The following EXOC5 variants were observed in gnomAD, a reference collection of about 807,000 sequenced individuals.
The protein encoded by EXOC5 is exocyst complex component 5, also known as SEC10-like 1.
EXOC5 carries 17 observed loss-of-function variants against 90.8 expected under a neutral mutation model. The ratio of observed to expected loss-of-function variants is 0.19; its 90% CI spans 0.13 to 0.28. The LOEUF is 0.28. Among genes scored for constraint, EXOC5 ranks in the 10% least tolerant of loss-of-function variants. EXOC5 has a pLI of 1.00. For synonymous variants in EXOC5, 260 were observed against 270.0 expected (o/e 0.96, Z 0.36); for missense variants, 569 against 830.6 (o/e 0.69, Z 3.87).
rs1200216593 is a variant in EXOC5, at chr14:57,200,702, G to A, written c.*7907C>T. The A allele has an allele frequency of 6.7e-6, 1 of 149,142 alleles. No homozygotes were observed. The highest frequency in any genetic ancestry group is 2.0e-4 in the East Asian group (1 of 5,076). The allele number at this position is 149,142 out of a possible 1,614,324, so 9.2% of individuals were successfully genotyped here. On this transcript the variant is annotated 3_prime_UTR_variant, in exon 18 of 18. Transcript: ENST00000621441. ...TTTCAAAATGTAAGTTCTGTGTCTTGGGCATAACACTTTACCCCCTCCTCA... is the reference window on the plus strand; with the variant it reads ...TTTCAAAATGTAAGTTCTGTGTCTTAGGCATAACACTTTACCCCCTCCTCA...
chr14:57,219,250 A>AAT, intron 14 of EXOC5, 72 bp downstream of exon 14: 4 of 828,052 alleles, frequency 4.8e-6, no homozygotes, highest in Non-Finnish European at 6.7e-6. Context: ...ATTTAATGAA[A>AAT]ATATATATAG....
chr14:57,222,284 C>T (rs1456093564), intron 13 of EXOC5, 24 bp downstream of exon 13: 6 of 1,130,010 alleles, frequency 5.3e-6, no homozygotes, highest in Non-Finnish European at 7.8e-6. Context: ...GAATTTAACA[C>T]AAGTGTAACA....
At chr14:57,253,821 T>C (rs1223239961) in intron 1 of EXOC5, among the ~76,000 whole-genome samples, 1 of 152,200 alleles carries the variant, frequency 6.6e-6, no homozygotes, top group African/African-American at 2.4e-5. Context: ...AAAAGCATCC[T>C]TACCTAACAC....
rs1437406041 is a variant in EXOC5, at chr14:57,205,847, T to C, written c.*2762A>G. ...TAGTTTTTTAAAACAAGGAAGATCCTAAGGACTTGCAACTATGGCAATCCT... is the reference window on the plus strand; with the variant it reads ...TAGTTTTTTAAAACAAGGAAGATCCCAAGGACTTGCAACTATGGCAATCCT... On this transcript the variant is annotated 3_prime_UTR_variant, in exon 18 of 18. Transcript: ENST00000621441. 8.8e-6 allele frequency: 4 copies of C among 454,666 alleles called. No individual in the cohort carries two copies. The highest frequency in any genetic ancestry group is 4.0e-5 in the African/African-American group (2 of 49,974). 28.2% of individuals were successfully genotyped at this position (454,666 alleles called of 1,614,324 possible).
intron 5 of EXOC5, 190 bp downstream of exon 5, chr14:57,239,405 G>A: frequency 2.3e-6 from 1 of 426,966 alleles, no homozygotes; most frequent in Non-Finnish European, 4.2e-6. Context: ...AGAAGAGACT[G>A]TATTTTTTCA....
At chr14:57,241,904 T>C (rs970826028) in intron 4 of EXOC5, among the ~76,000 whole-genome samples, 13 of 151,652 alleles carry the variant, frequency 8.6e-5, no homozygotes, top group South Asian at 2.1e-4. Flanking sequence ...GAGGCCGAGG[T>C]GGGCGGATCA....
In EXOC5 at chr14:57,245,106, A is replaced by G. The variant is rs371799387; in HGVS notation, c.271-747T>C. On this transcript the variant is annotated intron_variant, in intron 3 of 17. Transcript: ENST00000621441. ...GTTCTTTCCCAGTTTTGAAAACAGA[A>G]AAGTAGCAATTATTCTACTAAGGCA... 6.4e-4 allele frequency among the ~76,000 whole-genome samples: 98 copies of G among 152,326 alleles called. 1 individual carries two copies. Among genetic ancestry groups the G allele is most frequent in the African/African-American group, 2.2e-3 (90 of 41,564 alleles).
intron 1 of EXOC5, among the ~76,000 whole-genome samples, chr14:57,255,826 C>T (rs559334333): frequency 3.1e-4 from 45 of 147,128 alleles, no homozygotes; most frequent in African/African-American, 1.0e-3. Flanking sequence ...AGCAAGACTC[C>T]GTCTCCAAAA....
intron 12 of EXOC5, among the ~76,000 whole-genome samples, chr14:57,229,262 C>T (rs1482528952): frequency 6.6e-6 from 1 of 151,990 alleles, no homozygotes; most frequent in Non-Finnish European, 1.5e-5. Context: ...TCTTTTATTA[C>T]AAAAAATAGT....
Position 57,204,296 on chromosome 14 carries a change from C to CATTT in EXOC5, c.*4309_*4312dup, listed in dbSNP as rs1882585821. Reference sequence around the variant, plus strand: ...AAATGTCAGGTTTCTGTCCCCTATACATTTGAACAGTTGTTTCCTCCCTAA... The same window carrying CATTT: ...AAATGTCAGGTTTCTGTCCCCTATACATTTATTTGAACAGTTGTTTCCTCCCTAA... On this transcript the variant is annotated 3_prime_UTR_variant, in exon 18 of 18. Transcript: ENST00000621441. 1 of 152,112 alleles carries CATTT rather than the reference C, an allele frequency of 6.6e-6. No homozygotes were observed. The allele number at this position is 152,112 out of a possible 1,614,324, so 9.4% of individuals were successfully genotyped here.
At chr14:57,224,095 G>A (rs553982195) in intron 12 of EXOC5, among the ~76,000 whole-genome samples, 4 of 152,052 alleles carry the variant, frequency 2.6e-5, no homozygotes, top group African/African-American at 4.8e-5. Context: ...CAAAACACCC[G>A]CATTAGATTA....
chr14:57,268,202 C>T (rs1331595804), intron 1 of EXOC5: 3 of 240,356 alleles, frequency 1.2e-5, no homozygotes, highest in South Asian at 6.0e-5. Context: ...AAGTGGCTTC[C>T]TCCTATTATT....
At chr14:57,268,504 G>A in intron 1 of EXOC5, 118 bp downstream of exon 1, 1 of 1,530,920 alleles carries the variant, frequency 6.5e-7, no homozygotes, top group Non-Finnish European at 8.7e-7. Flanking sequence ...CTTCTGTTTC[G>A]CACCTCTCTC....
intron 4 of EXOC5, among the ~76,000 whole-genome samples, chr14:57,242,321 T>C (rs906744379): frequency 6.6e-6 from 1 of 151,750 alleles, no homozygotes; most frequent in Non-Finnish European, 1.5e-5. Context: ...CACAGCTCAC[T>C]GCAGCCTCAA....
rs749522788 is a variant in EXOC5, at chr14:57,233,844, T to C, written c.754A>G (p.Ile252Val). The change falls in exon 9 of 18, where the codon ATA becomes GTA. Residue 252 changes from isoleucine to valine, a missense_variant. This residue lies in a region of EXOC5 where 114 missense variants were observed against 111.2 expected (regional missense o/e 1.03). Transcript: ENST00000621441. ...TGTTTGTTCACTCTTTGACAGAGTA[T>C]TCCAGCGTCTTCAAATATATCATTT... ...LRNDIFEDAGILCQRVNKQVG... is the reference protein window; with the variant it reads ...LRNDIFEDAGVLCQRVNKQVG... 8.1e-6 allele frequency: 13 copies of C among 1,610,060 alleles called. No individual in the cohort carries two copies. The highest frequency in any genetic ancestry group is 3.3e-5 in the Admixed American group (2 of 59,974).
chr14:57,233,937 AAAC>A lies in EXOC5; in HGVS notation c.714+48_714+50del, dbSNP rs1255906728. On this transcript the variant is annotated intron_variant, in intron 8 of 17. Coordinates refer to ENST00000621441, the MANE Select transcript of EXOC5 (RefSeq NM_006544.4). ...AACATATAATTTCTACATGATTTTA[AAAC>A]AACAATTAGCATAAAATAATATCCA... The A allele has an allele frequency of 1.0e-5, 16 of 1,596,252 alleles. No individual in the cohort carries two copies. In the East Asian group the frequency reaches 3.1e-4, roughly 31 times the overall value.
Position 57,207,764 on chromosome 14 carries a change from A to G in EXOC5, c.*845T>C, listed in dbSNP as rs1836190364. 6.6e-6 allele frequency: 1 copy of G among 152,104 alleles called. No individual in the cohort carries two copies. The highest frequency in any genetic ancestry group is 2.1e-4 in the South Asian group (1 of 4,836). The allele number at this position is 152,104 out of a possible 1,614,324, so 9.4% of individuals were successfully genotyped here. The stretch of plus-strand genomic sequence containing the variant: ...TTCCTATATGCACCATTTAGACTAT[A>G]CCTCACTTTTTTTTACTTCCCTTAT... On this transcript the variant is annotated 3_prime_UTR_variant, in exon 18 of 18. Transcript: ENST00000621441.
chr14:57,201,059 A>G lies in EXOC5; in HGVS notation c.*7550T>C, dbSNP rs892468482. On this transcript the variant is annotated 3_prime_UTR_variant, in exon 18 of 18. Transcript: ENST00000621441. The stretch of plus-strand genomic sequence containing the variant: ...TGCGTGAGTGTGTGTGTGTGTATGC[A>G]CACATAAAGCCCCCTAGCATTATCT... 2.0e-5 allele frequency: 3 copies of G among 152,080 alleles called. No homozygotes were observed. The highest frequency in any genetic ancestry group is 7.2e-5 in the African/African-American group (3 of 41,410). 9.4% of individuals were successfully genotyped at this position (152,080 alleles called of 1,614,324 possible).
chr14:57,225,514 A>G (rs937238755), intron 12 of EXOC5, among the ~76,000 whole-genome samples: 6 of 152,128 alleles, frequency 3.9e-5, no homozygotes, highest in African/African-American at 1.4e-4. Context: ...AGACATCTAT[A>G]TTGGAAAAAA....
Sources: gnomAD v4.1 joint callset for allele counts (sites outside exome capture counted in the v4.1 genomes callset) on GRCh38, gnomAD v4.1.1 for gene constraint, gnomAD v4.1.1 regional missense constraint, MANE v1.5 for transcripts, NCBI Gene and HGNC (gene_info 2026-07-23, HGNC 2026-07-21) for gene names.